The following AHRR variants were observed in gnomAD, a reference collection of about 807,000 sequenced individuals.
The protein encoded by AHRR is ahR repressor.
In AHRR, 28 loss-of-function variants were observed where a neutral mutation model predicts 44.0. That is an observed-to-expected ratio of 0.64 (90% CI 0.47 to 0.87). The LOEUF (loss-of-function observed/expected upper bound fraction) is 0.87. Among genes scored for constraint, AHRR ranks in the 40% least tolerant of loss-of-function variants. The probability of loss-of-function intolerance (pLI) is 0.00; values close to 1 mark genes in which losing one functional copy is unlikely to be tolerated. For synonymous variants in AHRR, 434 were observed against 407.0 expected, an observed-to-expected ratio of 1.07 and a Z score of -0.80; for missense variants, 990 against 953.9, an observed-to-expected ratio of 1.04 and a Z score of -0.50.
intron 10 of AHRR, 53 bp from the exon 11 acceptor site, chr5:433,800 C>G: frequency 6.9e-7 from 1 of 1,446,358 alleles, no homozygotes; most frequent in Non-Finnish European, 9.1e-7. Flanking sequence ...CCCAGGGCAG[C>G]CAGACCTGGT....
At chr5:332,814 G>A (rs1054063308) in intron 1 of AHRR, among the ~76,000 whole-genome samples, 1 of 151,842 alleles carries the variant, frequency 6.6e-6, no homozygotes, top group African/African-American at 2.4e-5. Flanking sequence ...TTTAGTTCTA[G>A]GAATATTTGT....
intron 3 of AHRR, among the ~76,000 whole-genome samples, chr5:376,018 G>A (rs568732481): frequency 2.1e-4 from 23 of 110,034 alleles, no homozygotes; most frequent in African/African-American, 1.2e-3. Context: ...GCCCTGCGGT[G>A]TTCTGTGCGG....
At chr5:392,555 C>T (rs919927698) in intron 4 of AHRR, among the ~76,000 whole-genome samples, 1 of 152,156 alleles carries the variant, frequency 6.6e-6, no homozygotes, top group Non-Finnish European at 1.5e-5. Context: ...GTGTCTGAAG[C>T]TGGGGAAACC....
chr5:415,637 GC>G (rs1560916365), intron 5 of AHRR, among the ~76,000 whole-genome samples: 20 of 92,246 alleles, frequency 2.2e-4, no homozygotes, highest in Middle Eastern at 5.0e-3. Flanking sequence ...GGCCGAATCT[GC>G]CTGGTGGGGC....
intron 4 of AHRR, among the ~76,000 whole-genome samples, chr5:399,167 A>C (rs1734903272): frequency 1.3e-5 from 2 of 152,116 alleles, no homozygotes; most frequent in African/African-American, 4.8e-5. Context: ...GCCCAGGCCA[A>C]CTCTAGCCCC....
At chr5:422,249 G>A (rs1481900419) in intron 5 of AHRR, 3 of 194,596 alleles carry the variant, frequency 1.5e-5, no homozygotes, top group South Asian at 8.5e-5. Context: ...TTCTGAGCAG[G>A]TGGAAGGAGA....
In AHRR at chr5:326,330, TGG is replaced by T. The variant is rs769562654; in HGVS notation, c.-11+4514_-11+4515del. Among the ~76,000 whole-genome samples the T allele has an allele frequency of 1.9e-3, 286 of 152,328 alleles. No individual in the cohort carries two copies. The highest frequency in any genetic ancestry group is 6.5e-3 in the African/African-American group (272 of 41,568). On this transcript the variant is annotated intron_variant, in intron 1 of 10. Coordinates refer to ENST00000684583, the MANE Select transcript of AHRR (RefSeq NM_001377236.1). This position sits in a 1 kb window ranked among gnomAD's most constrained non-coding sequence, Gnocchi z 4.1. ...TGCCTACTCAGGATATATCATGCAA[TGG>T]GGTCAGTGTGTGTCCTTCTGTGTCC...
At position 422,543 on chromosome 5, in the gene AHRR, T is replaced by G. The variant is rs1736176367; in HGVS notation, c.442-186T>G. The G allele has an allele frequency of 5.4e-6, 4 of 744,650 alleles. No individual in the cohort carries two copies. The South Asian group carries it at 7.0e-5, about 13-fold the overall frequency. The allele number at this position is 744,650 out of a possible 1,614,324, so 46.1% of individuals were successfully genotyped here. A position where few individuals can be genotyped will look rare whatever the true frequency, so the allele number is the denominator to read the frequency against. On this transcript the variant is annotated intron_variant, in intron 5 of 10. Coordinates refer to ENST00000684583, the MANE Select transcript of AHRR (RefSeq NM_001377236.1). ...CGGGTGGGCGGGTGCTCCAGGCAAC[T>G]TAGACATCTTCTCAGGAGGGAGTGG... is the stretch of plus-strand genomic sequence containing the variant.
chr5:324,814 AAACCCAAAACTGGTTATTCAG>A (rs938375361), intron 1 of AHRR, among the ~76,000 whole-genome samples: 1 of 151,986 alleles, frequency 6.6e-6, no homozygotes, highest in Non-Finnish European at 1.5e-5. Context: ...AAAAAACGAA[AAACCCAAAACTGGTTATTCAG>A]GGGGCACTGG....
intron 5 of AHRR, chr5:421,170 G>A (rs1483625092): frequency 3.4e-6 from 2 of 589,856 alleles, no homozygotes; most frequent in African/African-American, 2.0e-5. Flanking sequence ...GGCCGCTCTG[G>A]CGCCCGGCTG....
chr5:343,812 C>T, intron 1 of AHRR, 81 bp from the exon 2 acceptor site: 2 of 1,455,676 alleles, frequency 1.4e-6, no homozygotes, highest in East Asian at 2.6e-5. Flanking sequence ...GCCAGGACCG[C>T]GCTGAGGGGC....
chr5:433,711 A>G (rs754838642), intron 10 of AHRR, 142 bp from the exon 11 acceptor site: 1 of 968,858 alleles, frequency 1.0e-6, no homozygotes, highest in Non-Finnish European at 1.4e-6. Context: ...TAGAAGGCAC[A>G]GCGCAGTGAG....
rs183863140 is a variant in AHRR, at chr5:424,100, C to T, written c.708+123C>T. ...AAACCACATGTCCCTGGTGGAGGGA[C>T]GGGGGCCGGTGCTGAGCTCTGTGTA... On this transcript the variant is annotated intron_variant, in intron 7 of 10. Coordinates refer to ENST00000684583, the MANE Select transcript of AHRR (RefSeq NM_001377236.1). The T allele has an allele frequency of 6.3e-4, 824 of 1,308,030 alleles. 22 individuals are homozygous for T. The East Asian group carries it at 0.01, about 16-fold the overall frequency. 81.0% of individuals were successfully genotyped at this position (1,308,030 alleles called of 1,614,324 possible).
At chr5:430,850 TA>T (rs1469692482) in intron 8 of AHRR, among the ~76,000 whole-genome samples, 1 of 152,218 alleles carries the variant, frequency 6.6e-6, no homozygotes, top group Non-Finnish European at 1.5e-5. Context: ...TGGAAGGTTT[TA>T]AATTAAATGT....
At chr5:430,359 G>C (rs569237803) in intron 8 of AHRR, among the ~76,000 whole-genome samples, 127 of 152,314 alleles carry the variant, frequency 8.3e-4, no homozygotes, top group African/African-American at 2.9e-3. Context: ...CCCTCCGTGG[G>C]AGCACCAGGA....
At chr5:376,804 A>G (rs1579640523) in intron 4 of AHRR, 88 bp downstream of exon 4, 5 of 1,185,216 alleles carry the variant, frequency 4.2e-6, no homozygotes, top group African/African-American at 3.1e-5. Flanking sequence ...CGTGTCACGC[A>G]TGTTCAGGCC....
chr5:343,954 C>G lies in AHRR; in HGVS notation c.52C>G (p.Leu18Val), dbSNP rs1200629023. The G allele has an allele frequency of 6.3e-7, 1 of 1,599,182 alleles. No homozygotes were observed. Among genetic ancestry groups the G allele is most frequent in the African/African-American group, 1.4e-5 (1 of 72,536 alleles). ...TYAGRKRRRP[L>V]QKQRPAVGAE... ...CGCGGGCCGGAAGCGGAGGAGGCCC[C>G]TGCAGAAACAGTAAAGTATCCCGCC... is the stretch of plus-strand genomic sequence containing the variant. The change falls in exon 2 of 11, where the codon CTG (leucine) becomes GTG (valine). Residue 18 changes from leucine (L) to valine (V), a missense_variant. Coordinates refer to ENST00000684583, the MANE Select transcript of AHRR (RefSeq NM_001377236.1).
intron 3 of AHRR, among the ~76,000 whole-genome samples, chr5:356,438 C>A (rs933117896): frequency 6.6e-6 from 1 of 152,240 alleles, no homozygotes; most frequent in Non-Finnish European, 1.5e-5. Context: ...CTGTGTTTGC[C>A]AGGACCCCTG....
chr5:397,093 CT>C (rs1451114031), intron 4 of AHRR, among the ~76,000 whole-genome samples: 3 of 130,090 alleles, frequency 2.3e-5, no homozygotes, highest in East Asian at 2.1e-4. Flanking sequence ...CACGTAGCCC[CT>C]GACCATCCAC....
Sources: gnomAD v4.1 joint callset for allele counts (sites outside exome capture counted in the v4.1 genomes callset) on GRCh38, gnomAD v4.1.1 for gene constraint, Gnocchi (gnomAD v3.1) non-coding constraint, MANE v1.5 for transcripts, NCBI Gene and HGNC (gene_info 2026-07-23, HGNC 2026-07-21) for gene names.